PEPD: variants seen among roughly 807,000 people sequenced by gnomAD.
PEPD encodes peptidase D.
In PEPD, 53 loss-of-function variants were observed where a neutral mutation model predicts 60.7. The observed-to-expected ratio is 0.87, with a 90% confidence interval of 0.70 to 1.10. The LOEUF (loss-of-function observed/expected upper bound fraction) is 1.10, where lower values mean the gene tolerates loss of function less well. Among genes scored for constraint, PEPD ranks in the 50% least tolerant of loss-of-function variants. The pLI is 0.00. For synonymous variants in PEPD, 267 were observed against 284.1 expected (o/e 0.94, Z 0.60); for missense variants, 711 against 711.9 (o/e 1.00, Z 0.01).
intron 11 of PEPD, among the ~76,000 whole-genome samples, chr19:33,407,589 A>C (rs1968660433): frequency 6.6e-6 from 1 of 152,216 alleles, no homozygotes; most frequent in Non-Finnish European, 1.5e-5. Context: ...CTGTGTGAAC[A>C]TGTTGAAAGT....
chr19:33,499,637 T>C (rs956053131), intron 4 of PEPD, among the ~76,000 whole-genome samples: 1 of 152,216 alleles, frequency 6.6e-6, no homozygotes, highest in Non-Finnish European at 1.5e-5. Context: ...AACTTGGTCC[T>C]GAGGGCTCAG....
At chr19:33,473,169 C>T (rs537320172) in intron 7 of PEPD, among the ~76,000 whole-genome samples, 36 of 152,228 alleles carry the variant, frequency 2.4e-4, no homozygotes, top group Admixed American at 1.8e-3. Context: ...CCTCCTGGCG[C>T]GCAGTGACTC....
At chr19:33,390,374 A>G (rs918942585) in intron 13 of PEPD, among the ~76,000 whole-genome samples, 10 of 152,214 alleles carry the variant, frequency 6.6e-5, no homozygotes, top group Non-Finnish European at 1.5e-4. Flanking sequence ...GTTTCTCCAA[A>G]TTTAACTGTT....
At chr19:33,397,282 C>T (rs1287338539) in intron 12 of PEPD, among the ~76,000 whole-genome samples, 1 of 152,178 alleles carries the variant, frequency 6.6e-6, no homozygotes, top group Non-Finnish European at 1.5e-5. Context: ...TCTTTCCTGC[C>T]TCTCCTTTGG....
At chr19:33,477,947 G>A (rs915998903) in intron 7 of PEPD, 99 bp downstream of exon 7, 2 of 821,754 alleles carry the variant, frequency 2.4e-6, no homozygotes, top group Non-Finnish European at 4.2e-6. Context: ...TCTGCTTTCT[G>A]AGGGGCTCTC....
chr19:33,487,784 T>A (rs1970423811), intron 6 of PEPD, among the ~76,000 whole-genome samples: 1 of 152,046 alleles, frequency 6.6e-6, no homozygotes, highest in Non-Finnish European at 1.5e-5. Flanking sequence ...GTGGGGAGTT[T>A]GCAGAGCACA....
chr19:33,476,773 C>T (rs1010580574), intron 7 of PEPD, among the ~76,000 whole-genome samples: 1 of 152,176 alleles, frequency 6.6e-6, no homozygotes, highest in Non-Finnish European at 1.5e-5. Flanking sequence ...ACACCATTCT[C>T]CTGCCTCAGT....
chr19:33,477,925 A>C (rs1970248622), intron 7 of PEPD, 121 bp downstream of exon 7: 1 of 745,798 alleles, frequency 1.3e-6, no homozygotes, highest in Non-Finnish European at 2.4e-6. Context: ...CTATGGGAGA[A>C]GGTTCTGGGA....
chr19:33,416,175 C>T (rs998792333), intron 9 of PEPD, among the ~76,000 whole-genome samples: 1 of 152,222 alleles, frequency 6.6e-6, no homozygotes, highest in Non-Finnish European at 1.5e-5. Flanking sequence ...TGCCCCCGCA[C>T]AGCTGGGCCA....
intron 6 of PEPD, chr19:33,486,956 C>T (rs1970408005): frequency 6.6e-6 from 1 of 152,502 alleles, no homozygotes; most frequent in South Asian, 2.1e-4. Flanking sequence ...CAAGGTGCTG[C>T]AGAGACATTT....
rs563747322 is a variant in PEPD at position 33,438,244 on chromosome 19, G to A, written c.672-24601C>T. 1.4e-4 allele frequency among the ~76,000 whole-genome samples: 21 copies of A among 152,302 alleles called. No homozygotes were observed. In the South Asian group the frequency reaches 3.9e-3, roughly 29 times the overall value. The stretch of plus-strand genomic sequence containing the variant: ...GCCACCTGCTTGCTGGGCCCAGAAC[G>A]ACTCCCCACAGTTCTCCCAGGGTAC... On this transcript the variant is annotated intron_variant, in intron 9 of 14. Transcript: ENST00000244137.
At chr19:33,442,918 CTG>C (rs1162294300) in intron 9 of PEPD, among the ~76,000 whole-genome samples, 1 of 152,186 alleles carries the variant, frequency 6.6e-6, no homozygotes, top group African/African-American at 2.4e-5. Context: ...CCCCACAGAA[CTG>C]TGCTCCACGG....
Position 33,483,625 on chromosome 19 carries a change from T to C in PEPD, c.504-5535A>G, listed in dbSNP as rs191414091. ...AGGAGTTCAAGACCAGCCTGGGCAA[T>C]GTGGCGAGACTTTGTCTCTACAAAA... is the stretch of plus-strand genomic sequence containing the variant. On this transcript the variant is annotated intron_variant, in intron 6 of 14. Transcript: ENST00000244137. 1.4e-3 allele frequency among the ~76,000 whole-genome samples: 212 copies of C among 152,226 alleles called. 1 individual carries two copies. The highest frequency in any genetic ancestry group is 4.3e-3 in the African/African-American group (180 of 41,548).
intron 9 of PEPD, among the ~76,000 whole-genome samples, chr19:33,423,186 T>A (rs1969069400): frequency 6.6e-6 from 1 of 152,236 alleles, no homozygotes; most frequent in South Asian, 2.1e-4. Flanking sequence ...TTCACTGTAG[T>A]ATCCCTCAAG....
At chr19:33,436,870 C>T (rs1291741322) in intron 9 of PEPD, among the ~76,000 whole-genome samples, 1 of 152,214 alleles carries the variant, frequency 6.6e-6, no homozygotes, top group Admixed American at 6.5e-5. Context: ...ATGCCTCGCT[C>T]ACAGCACTAG....
In PEPD at chr19:33,447,070, A is replaced by G. The variant is rs531396364; in HGVS notation, c.671+15925T>C. The stretch of plus-strand genomic sequence containing the variant: ...AAGTAGCTATGGTGCACTTCGCCCT[A>G]GCTGGGATGCCCAGGAGGGCCACCT... On this transcript the variant is annotated intron_variant, in intron 9 of 14. Coordinates refer to ENST00000244137, the MANE Select transcript of PEPD (RefSeq NM_000285.4). Among the ~76,000 whole-genome samples, 6 of 152,294 alleles carry G rather than the reference A, an allele frequency of 3.9e-5. No homozygotes were observed. The South Asian group carries it at 1.2e-3, about 32-fold the overall frequency.
chr19:33,442,101 T>C (rs1969489109), intron 9 of PEPD, among the ~76,000 whole-genome samples: 1 of 152,170 alleles, frequency 6.6e-6, no homozygotes, highest in Non-Finnish European at 1.5e-5. Context: ...TAAAAGGGGC[T>C]TAATAATAGT....
chr19:33,427,844 C>G (rs1360086915), intron 9 of PEPD, among the ~76,000 whole-genome samples: 1 of 152,144 alleles, frequency 6.6e-6, no homozygotes, highest in East Asian at 1.9e-4. Context: ...AATATCCTTT[C>G]TTTATGACAC....
intron 11 of PEPD, among the ~76,000 whole-genome samples, chr19:33,410,871 C>T (rs541625595): frequency 6.6e-6 from 1 of 152,262 alleles, no homozygotes; most frequent in Non-Finnish European, 1.5e-5. Context: ...AGGAGCTCTG[C>T]ACTGCCTGGG....
Sources: gnomAD v4.1 joint callset for allele counts (sites outside exome capture counted in the v4.1 genomes callset) on GRCh38, gnomAD v4.1.1 for gene constraint, MANE v1.5 for transcripts, NCBI Gene and HGNC (gene_info 2026-07-23, HGNC 2026-07-21) for gene names.